The following ZNF536 variants were observed in gnomAD, a reference collection of about 807,000 sequenced individuals.
ZNF536 encodes zinc finger protein 536.
In ZNF536, 13 loss-of-function variants were observed where a neutral mutation model predicts 84.5. The ratio of observed to expected loss-of-function variants is 0.15; its 90% CI spans 0.10 to 0.24. The LOEUF (loss-of-function observed/expected upper bound fraction) is 0.24. Among genes scored for constraint, ZNF536 ranks in the 10% least tolerant of loss-of-function variants. The probability of loss-of-function intolerance (pLI) is 1.00; values close to 1 mark genes in which losing one functional copy is unlikely to be tolerated. For missense variants in ZNF536, 1,536 were observed against 1,747.5 expected (o/e 0.88, Z 2.16); for synonymous variants, 811 against 742.5 (o/e 1.09, Z -1.50).
intron 1 of ZNF536, among the ~76,000 whole-genome samples, chr19:30,585,605 T>A (rs1457153375): frequency 6.6e-6 from 1 of 152,204 alleles, no homozygotes; most frequent in Non-Finnish European, 1.5e-5. Context: ...GGGATGCCAC[T>A]GCTTGGGGTT....
chr19:30,640,937 A>T (rs1014891610), intron 1 of ZNF536, among the ~76,000 whole-genome samples: 9 of 152,212 alleles, frequency 5.9e-5, no homozygotes, highest in African/African-American at 1.9e-4. Flanking sequence ...CCTGTCTGGG[A>T]CATAGACACA....
intron 3 of ZNF536, among the ~76,000 whole-genome samples, chr19:30,539,488 C>A (rs760534973): frequency 2.0e-5 from 3 of 152,234 alleles, no homozygotes; most frequent in African/African-American, 2.4e-5. Flanking sequence ...AACCAAATAT[C>A]TGGGCACCCT....
chr19:30,382,795 C>T (rs968124222), intron 1 of ZNF536, among the ~76,000 whole-genome samples: 1 of 152,050 alleles, frequency 6.6e-6, no homozygotes, highest in Non-Finnish European at 1.5e-5. Context: ...GTACAAATTC[C>T]TGCGGTGGGC....
chr19:30,660,952 T>C (rs2050100634), intron 1 of ZNF536, among the ~76,000 whole-genome samples: 1 of 152,244 alleles, frequency 6.6e-6, no homozygotes, highest in African/African-American at 2.4e-5. Context: ...TGGCGCCTGT[T>C]TCGTTTTGTG....
At chr19:30,432,561 T>C (rs964228040) in intron 1 of ZNF536, among the ~76,000 whole-genome samples, 2 of 152,098 alleles carry the variant, frequency 1.3e-5, no homozygotes, top group Non-Finnish European at 2.9e-5. Flanking sequence ...CTTCTACTTT[T>C]TCACCATTAA....
At chr19:30,467,234 C>T (rs778041178) in intron 2 of ZNF536, among the ~76,000 whole-genome samples, 3 of 152,190 alleles carry the variant, frequency 2.0e-5, no homozygotes, top group Non-Finnish European at 4.4e-5. Context: ...TCTCCTCTGG[C>T]AAAACTGACA....
intron 1 of ZNF536, among the ~76,000 whole-genome samples, chr19:30,678,638 G>C (rs1244676927): frequency 2.6e-5 from 4 of 152,148 alleles, no homozygotes; most frequent in Admixed American, 6.5e-5. Context: ...CCTGGCACTG[G>C]ACTCCTAGAG....
At chr19:30,420,188 C>T (rs2050894304) in intron 1 of ZNF536, among the ~76,000 whole-genome samples, 1 of 152,178 alleles carries the variant, frequency 6.6e-6, no homozygotes, top group Non-Finnish European at 1.5e-5. Flanking sequence ...GGGCCCTGTG[C>T]ACATTTAAGA....
chr19:30,434,236 A>C (rs1458283879), intron 1 of ZNF536, among the ~76,000 whole-genome samples: 1 of 152,214 alleles, frequency 6.6e-6, no homozygotes, highest in African/African-American at 2.4e-5. Context: ...AGAAAATAGA[A>C]GAGTCTAAAG....
At chr19:30,349,328 T>G (rs1219769851) in intron 2 of ZNF536, among the ~76,000 whole-genome samples, 2 of 152,190 alleles carry the variant, frequency 1.3e-5, no homozygotes, top group African/African-American at 4.8e-5. Context: ...TCCAGATGTT[T>G]ATGGCCTTGA....
intron 2 of ZNF536, chr19:30,300,782 G>A (rs7248713): frequency 0.23 from 35,487 of 152,172 alleles, 5,047 homozygotes; most frequent in East Asian, 0.54. Context: ...CAGGTACCCG[G>A]CAGGATGATC....
intron 2 of ZNF536, among the ~76,000 whole-genome samples, chr19:30,299,070 C>A (rs959996301): frequency 6.6e-6 from 1 of 152,116 alleles, no homozygotes; most frequent in Non-Finnish European, 1.5e-5. Context: ...GGTATGAGGC[C>A]AAGTTTATAA....
At chr19:30,484,278 G>C (rs112938050) in intron 2 of ZNF536, among the ~76,000 whole-genome samples, 3,909 of 146,448 alleles carry the variant, frequency 0.027, 84 homozygotes, top group South Asian at 0.1. Flanking sequence ...CCAGACTGGA[G>C]TTCAGTGGTG....
intron 1 of ZNF536, among the ~76,000 whole-genome samples, chr19:30,666,021 A>G (rs2050303470): frequency 6.6e-6 from 1 of 152,170 alleles, no homozygotes; most frequent in Non-Finnish European, 1.5e-5. Context: ...TGCAGCCCCA[A>G]AGGGCTCTGA....
At chr19:30,433,237 T>C (rs1416177368) in intron 1 of ZNF536, among the ~76,000 whole-genome samples, 2 of 152,110 alleles carry the variant, frequency 1.3e-5, no homozygotes, top group African/African-American at 4.8e-5. Context: ...TTCCCTTCTC[T>C]CTCCTGCACT....
In ZNF536 at chr19:30,534,963, T is replaced by A. The variant is rs774333726; in HGVS notation, c.2287T>A (p.Ser763Thr). ...GTACTGTGGGAAAACTTTCCGGACA[T>A]CCCATCACCTTAAGGTGCACCTGAG... is the stretch of plus-strand genomic sequence containing the variant. The part of the protein sequence containing the change: ...CPYCGKTFRT[S>T]HHLKVHLRIH... Residue 763 changes from serine (S) to threonine (T), a missense_variant, in exon 3 of 5, where the codon TCC becomes ACC. By Grantham distance (58) the Ser-to-Thr change is moderately conservative (BLOSUM62 1). Coordinates refer to ENST00000355537, the MANE Select transcript of ZNF536 (RefSeq NM_014717.3). 3.1e-6 allele frequency: 5 copies of A among 1,613,358 alleles called. No individual in the cohort carries two copies. Among genetic ancestry groups the A allele is most frequent in the African/African-American group, 2.7e-5 (2 of 74,922 alleles).
At position 30,466,227 on chromosome 19, in the gene ZNF536, A is replaced by C. The variant is rs185396354; in HGVS notation, c.2170+20495A>C. ...GACACAATGAGACCCTGTCTAAAAA[A>C]AAAATACATATAACATAGAATTTAC... On this transcript the variant is annotated intron_variant, in intron 2 of 4. Coordinates refer to ENST00000355537, the MANE Select transcript of ZNF536 (RefSeq NM_014717.3). 1.6e-4 allele frequency among the ~76,000 whole-genome samples: 24 copies of C among 152,008 alleles called. No homozygotes were observed. The East Asian group carries it at 3.5e-3, about 22-fold the overall frequency.
At chr19:30,611,066 G>A (rs527548748) in intron 1 of ZNF536, among the ~76,000 whole-genome samples, 1 of 152,302 alleles carries the variant, frequency 6.6e-6, no homozygotes, top group African/African-American at 2.4e-5. Flanking sequence ...ACAACTTGTG[G>A]AAAATAGGAA....
intron 1 of ZNF536, among the ~76,000 whole-genome samples, chr19:30,706,745 C>A (rs1204784074): frequency 6.6e-6 from 1 of 152,172 alleles, no homozygotes; most frequent in Non-Finnish European, 1.5e-5. Flanking sequence ...CATTCTCCAT[C>A]AATAAATTAT....
Sources: gnomAD v4.1 joint callset for allele counts (sites outside exome capture counted in the v4.1 genomes callset) on GRCh38, gnomAD v4.1.1 for gene constraint, MANE v1.5 for transcripts, NCBI Gene and HGNC (gene_info 2026-07-23, HGNC 2026-07-21) for gene names.